Variants in ARHGAP39 observed in about 807,000 individuals in gnomAD.
ARHGAP39 encodes the protein rho GTPase-activating protein 39.
In ARHGAP39, 44 loss-of-function variants were observed where a neutral mutation model predicts 106.9. That is an observed-to-expected ratio of 0.41 (90% CI 0.32 to 0.53). The LOEUF is 0.53. ARHGAP39 is among the 20% of genes least tolerant of loss of function. The pLI is 0.21. For synonymous variants in ARHGAP39, 768 were observed against 693.2 expected, an observed-to-expected ratio of 1.11 and a Z score of -1.69; for missense variants, 1,496 against 1,577.3, an observed-to-expected ratio of 0.95 and a Z score of 0.87.
chr8:144,552,975 G>A (rs1259006852), intron 4 of ARHGAP39, among the ~76,000 whole-genome samples: 2 of 152,188 alleles, frequency 1.3e-5, no homozygotes, highest in Admixed American at 6.5e-5. Context: ...CGAGCCCAGC[G>A]GGCCTGGCTG....
upstream of ARHGAP39, among the ~76,000 whole-genome samples, chr8:144,688,476 GT>G (rs1442954370): frequency 5.9e-5 from 9 of 152,332 alleles, no homozygotes; most frequent in African/African-American, 2.2e-4. Context: ...GACCTGTGTG[GT>G]GGCTCACAGC....
chr8:144,618,859 C>T (rs1179169004), intron 1 of ARHGAP39, among the ~76,000 whole-genome samples: 7 of 152,380 alleles, frequency 4.6e-5, no homozygotes, highest in East Asian at 1.9e-4. Flanking sequence ...GGACCGCGGG[C>T]GCACAGCCAC....
At chr8:144,659,507 C>T (rs1821772540) in intron 1 of ARHGAP39, among the ~76,000 whole-genome samples, 1 of 152,204 alleles carries the variant, frequency 6.6e-6, no homozygotes, top group Admixed American at 6.5e-5. Context: ...CAATGAGTGC[C>T]CACTTTTCAA....
chr8:144,657,063 A>G (rs1821715483), intron 1 of ARHGAP39, among the ~76,000 whole-genome samples: 1 of 152,040 alleles, frequency 6.6e-6, no homozygotes. Context: ...TGCACTGGTG[A>G]ACATTTAAGA....
intron 1 of ARHGAP39, among the ~76,000 whole-genome samples, chr8:144,681,324 C>A (rs530045322): frequency 2.8e-4 from 43 of 152,188 alleles, no homozygotes; most frequent in Admixed American, 2.0e-3. Flanking sequence ...TCCAGCTCTG[C>A]GAGGGAGTCT....
chr8:144,545,635 C>T lies in ARHGAP39; in HGVS notation c.2135G>A (p.Arg712Gln), dbSNP rs570981447. The change falls in exon 6 of 12, where the codon CGG becomes CAG. Residue 712 changes from arginine (R) to glutamine (Q), a missense_variant. Physicochemically the swap from Arg to Gln is conservative, Grantham distance 43 (BLOSUM62 1). Coordinates refer to ENST00000377307, the MANE Select transcript of ARHGAP39 (RefSeq NM_025251.3). ...CAGCATGTTGGCGATGGACACCTTCCGCCGGAAGAGGCCCTGCGTGTGCTT... is the reference window on the plus strand; with the variant it reads ...CAGCATGTTGGCGATGGACACCTTCTGCCGGAAGAGGCCCTGCGTGTGCTT... ...FNKHTQGLFR[R>Q]KVSIANMLAW... 1.9e-5 allele frequency: 30 copies of T among 1,613,660 alleles called. No individual in the cohort carries two copies. The highest frequency in any genetic ancestry group is 8.9e-5 in the East Asian group (4 of 44,882).
Position 144,580,830 on chromosome 8 carries a change from C to T in ARHGAP39, c.512+16G>A. 6.6e-6 allele frequency: 10 copies of T among 1,523,062 alleles called. No homozygotes were observed. Among genetic ancestry groups the T allele is most frequent in the Non-Finnish European group, 8.7e-6 (10 of 1,143,186 alleles). The allele number at this position is 1,523,062 out of a possible 1,614,324, so 94.3% of individuals were successfully genotyped here. ...ATTCACCTGGCCCCGCCCATAGCAG[C>T]TGCCCCCGCCCTCACCTGCCGCTGT... On this transcript the variant is annotated intron_variant, in intron 3 of 11. Coordinates refer to ENST00000377307, the MANE Select transcript of ARHGAP39 (RefSeq NM_025251.3).
chr8:144,678,952 G>A (rs111317812), intron 1 of ARHGAP39, among the ~76,000 whole-genome samples: 7 of 152,010 alleles, frequency 4.6e-5, no homozygotes, highest in Non-Finnish European at 1.0e-4. Context: ...CTCAGGCAGG[G>A]GTTCTGATCA....
intron 2 of ARHGAP39, among the ~76,000 whole-genome samples, chr8:144,590,910 G>A (rs1819368967): frequency 6.6e-6 from 1 of 152,258 alleles, no homozygotes; most frequent in South Asian, 2.1e-4. Flanking sequence ...CTGAACCCCA[G>A]CCCTCACCCC....
At chr8:144,663,262 T>C (rs1821880522) in intron 1 of ARHGAP39, among the ~76,000 whole-genome samples, 1 of 151,894 alleles carries the variant, frequency 6.6e-6, no homozygotes, top group Non-Finnish European at 1.5e-5. Flanking sequence ...AAAAAAAAGG[T>C]TTATTTGGCT....
chr8:144,627,172 G>A (rs2130973628), intron 1 of ARHGAP39, among the ~76,000 whole-genome samples: 1 of 152,350 alleles, frequency 6.6e-6, no homozygotes. Context: ...AGTGTCTGCA[G>A]CTGCCAGGGA....
rs1196564332 is a variant in ARHGAP39 at position 144,671,626 on chromosome 8, G to C, written c.-82+14060C>G. ...TTTCTGTGCCTGGTGAATAGCCCAA[G>C]GCTCAGCTGCTGATACTCCTCCTTT... On this transcript the variant is annotated intron_variant, in intron 1 of 11. Transcript: ENST00000377307. The surrounding 1 kb of genome is among the most constrained non-coding windows in gnomAD (Gnocchi z 4.5). Among the ~76,000 whole-genome samples, 2 of 152,208 alleles carry C rather than the reference G, an allele frequency of 1.3e-5. No homozygotes were observed. The highest frequency in any genetic ancestry group is 4.8e-5 in the African/African-American group (2 of 41,440).
chr8:144,545,097 G>A, intron 6 of ARHGAP39, 152 bp downstream of exon 6: 1 of 661,976 alleles, frequency 1.5e-6, no homozygotes, highest in Non-Finnish European at 2.2e-6. Flanking sequence ...TCCAGCAGAG[G>A]CCCAGAGTGT....
At chr8:144,550,760 C>CA (rs1317097250) in intron 4 of ARHGAP39, among the ~76,000 whole-genome samples, 1 of 152,224 alleles carries the variant, frequency 6.6e-6, no homozygotes, top group African/African-American at 2.4e-5. Context: ...GCTAGCCAGG[C>CA]AGAGTGGATG....
intron 6 of ARHGAP39, among the ~76,000 whole-genome samples, chr8:144,539,095 T>G (rs1350140506): frequency 4.6e-5 from 7 of 152,088 alleles, no homozygotes; most frequent in African/African-American, 1.7e-4. Flanking sequence ...CTGGATCGTT[T>G]TAATGGAAAA....
At chr8:144,553,068 C>T (rs549908390) in intron 4 of ARHGAP39, among the ~76,000 whole-genome samples, 21 of 152,328 alleles carry the variant, frequency 1.4e-4, no homozygotes, top group African/African-American at 3.8e-4. Context: ...CAGAAGCACC[C>T]GCATGGCTGT....
intron 1 of ARHGAP39, among the ~76,000 whole-genome samples, chr8:144,632,416 A>C (rs1821084456): frequency 6.6e-6 from 1 of 152,172 alleles, no homozygotes; most frequent in African/African-American, 2.4e-5. Context: ...ACCTCAAAGC[A>C]TGTCGACAAA....
intron 3 of ARHGAP39, among the ~76,000 whole-genome samples, chr8:144,563,563 G>T (rs538489604): frequency 5.3e-5 from 8 of 151,952 alleles, no homozygotes; most frequent in Non-Finnish European, 1.0e-4. Context: ...GAGTTAGGAG[G>T]ATCACTTGAG....
chr8:144,583,614 G>T (rs549800343), intron 2 of ARHGAP39, among the ~76,000 whole-genome samples: 7 of 152,336 alleles, frequency 4.6e-5, no homozygotes, highest in African/African-American at 1.7e-4. Context: ...CTTCCTGCCT[G>T]CGTGCTCCAC....
Sources: gnomAD v4.1 joint callset for allele counts (sites outside exome capture counted in the v4.1 genomes callset) on GRCh38, gnomAD v4.1.1 for gene constraint, Gnocchi (gnomAD v3.1) non-coding constraint, MANE v1.5 for transcripts, NCBI Gene and HGNC (gene_info 2026-07-23, HGNC 2026-07-21) for gene names.